The following SINHCAF variants were observed in gnomAD, a reference collection of about 807,000 sequenced individuals.
SINHCAF encodes SIN3-HDAC complex associated factor, also known as SIN3-HDAC complex-associated factor.
Under a neutral mutation model 25.8 loss-of-function variants are expected in SINHCAF, and 3 were observed. The ratio of observed to expected loss-of-function variants is 0.12; its 90% CI spans 0.05 to 0.30. The LOEUF (loss-of-function observed/expected upper bound fraction) is 0.30, where lower values mean the gene tolerates loss of function less well. Ranked by LOEUF, SINHCAF falls within the 10% of genes least tolerant of loss-of-function variation. SINHCAF has a pLI of 1.00. For missense variants in SINHCAF, 121 were observed against 262.3 expected, an observed-to-expected ratio of 0.46 and a Z score of 3.72; for synonymous variants, 70 against 85.5, an observed-to-expected ratio of 0.82 and a Z score of 1.00.
intron 1 of SINHCAF, among the ~76,000 whole-genome samples, chr12:31,309,689 G>A (rs1369268668): frequency 3.0e-4 from 40 of 132,468 alleles, no homozygotes; most frequent in Non-Finnish European, 1.4e-4. Flanking sequence ...TTTTTGAGAC[G>A]GAGTCTCACT....
At chr12:31,311,881 T>C in intron 1 of SINHCAF, 3 of 504,220 alleles carry the variant, frequency 5.9e-6, no homozygotes, top group Middle Eastern at 4.5e-4. Flanking sequence ...TTGATGAAGG[T>C]GGCATCCACC....
chr12:31,311,550 AC>A, intron 1 of SINHCAF: 1 of 253,460 alleles, frequency 3.9e-6, no homozygotes, highest in East Asian at 1.0e-4. Flanking sequence ...CTGGAAGTGA[AC>A]CACTGGGACC....
chr12:31,315,069 G>C (rs895041342), intron 1 of SINHCAF, among the ~76,000 whole-genome samples: 2 of 152,182 alleles, frequency 1.3e-5, no homozygotes, highest in Non-Finnish European at 2.9e-5. Context: ...TTGAGGATGC[G>C]CACCCAGGAA....
chr12:31,313,057 T>C (rs554773649), intron 1 of SINHCAF, among the ~76,000 whole-genome samples: 1 of 152,280 alleles, frequency 6.6e-6, no homozygotes, highest in East Asian at 1.9e-4. Flanking sequence ...GCAGTTTTGC[T>C]CTCGTTGCCC....
chr12:31,286,752 A>G (rs190389823), intron 5 of SINHCAF, among the ~76,000 whole-genome samples: 27 of 152,242 alleles, frequency 1.8e-4, no homozygotes, highest in Non-Finnish European at 3.5e-4. Context: ...ACCTAGAATA[A>G]CCCTAGTGGC....
intron 1 of SINHCAF, among the ~76,000 whole-genome samples, chr12:31,318,506 A>T (rs1939579434): frequency 6.6e-6 from 1 of 152,218 alleles, no homozygotes; most frequent in African/African-American, 2.4e-5. Context: ...AAGAGCCTAA[A>T]ACTCATCCTA....
In SINHCAF at chr12:31,282,615, T is replaced by C. The variant is rs1261064627; in HGVS notation, c.*97A>G. On this transcript the variant is annotated 3_prime_UTR_variant, in exon 6 of 6. Coordinates refer to ENST00000337682, the MANE Select transcript of SINHCAF (RefSeq NM_001135812.2). The stretch of plus-strand genomic sequence containing the variant: ...CCAGCCTGGGTAACAAGAGCAAAAC[T>C]CCGTCTCAAAAAAAAAAGAGGGTCA... 1.6e-5 allele frequency: 18 copies of C among 1,098,828 alleles called. No homozygotes were observed. The highest frequency in any genetic ancestry group is 3.8e-5 in the African/African-American group (2 of 52,944). The allele number at this position is 1,098,828 out of a possible 1,614,324, so 68.1% of individuals were successfully genotyped here.
At chr12:31,309,709 A>T (rs1939186382) in intron 1 of SINHCAF, among the ~76,000 whole-genome samples, 1 of 134,538 alleles carries the variant, frequency 7.4e-6, no homozygotes, top group Non-Finnish European at 1.5e-5. Flanking sequence ...TCTGTCGCCC[A>T]GGCTGGAGTG....
chr12:31,306,477 C>T (rs1311481833), intron 1 of SINHCAF, among the ~76,000 whole-genome samples: 6 of 152,110 alleles, frequency 3.9e-5, no homozygotes, highest in African/African-American at 7.2e-5. Flanking sequence ...AGGTCCATAC[C>T]ATAGTTCAGT....
chr12:31,302,300 A>T (rs1938829972), intron 1 of SINHCAF, among the ~76,000 whole-genome samples: 2 of 152,088 alleles, frequency 1.3e-5, no homozygotes, highest in African/African-American at 4.8e-5. Context: ...ACTAAAAGCC[A>T]CTGAATTGTA....
At chr12:31,296,826 T>C in intron 2 of SINHCAF, 1 of 253,410 alleles carries the variant, frequency 3.9e-6, no homozygotes, top group Non-Finnish European at 8.0e-6. Context: ...ACTGCAGTTC[T>C]GCCTGGGTGA....
chr12:31,288,596 G>A (rs1458368345), intron 4 of SINHCAF, among the ~76,000 whole-genome samples: 1 of 150,170 alleles, frequency 6.7e-6, no homozygotes, highest in Non-Finnish European at 1.5e-5. Context: ...TGTCAATGGA[G>A]GTTGAGAGAG....
chr12:31,290,909 G>C (rs1333708675), intron 4 of SINHCAF, among the ~76,000 whole-genome samples: 2 of 152,026 alleles, frequency 1.3e-5, no homozygotes, highest in Non-Finnish European at 2.9e-5. Context: ...AGTAGACACG[G>C]GGTTTCTCCA....
In SINHCAF at chr12:31,314,803, C is replaced by T. The variant is rs542594280; in HGVS notation, c.-21+11221G>A. On this transcript the variant is annotated intron_variant, in intron 1 of 5. Coordinates refer to ENST00000337682, the MANE Select transcript of SINHCAF (RefSeq NM_001135812.2). The stretch of plus-strand genomic sequence containing the variant: ...TGGTCTGCATATATCAAAGGATCTG[C>T]ATTTAGGCCATTGTGATGTGGAGTC... Among the ~76,000 whole-genome samples the T allele has an allele frequency of 2.6e-5, 4 of 152,330 alleles. 1 individual carries two copies. The highest frequency in any genetic ancestry group is 9.6e-5 in the African/African-American group (4 of 41,572).
At chr12:31,301,208 T>G (rs999131800) in intron 1 of SINHCAF, among the ~76,000 whole-genome samples, 1 of 152,196 alleles carries the variant, frequency 6.6e-6, no homozygotes, top group Non-Finnish European at 1.5e-5. Flanking sequence ...AATTAAGTGT[T>G]CCTCTTCAAT....
rs963954474 is a variant in SINHCAF at position 31,325,401 on chromosome 12, G to C, written c.-21+623C>G. On this transcript the variant is annotated intron_variant, in intron 1 of 5. Transcript: ENST00000337682. This position sits in a 1 kb window ranked among gnomAD's most constrained non-coding sequence, Gnocchi z 5.9. Reference sequence around the variant, plus strand: ...AACAACGCCACGCCGCGTGCGCTCCGGCAGAGCCCAGCACTGACCCCCAAA... The same window carrying C: ...AACAACGCCACGCCGCGTGCGCTCCCGCAGAGCCCAGCACTGACCCCCAAA... 3 of 373,498 alleles carry C rather than the reference G, an allele frequency of 8.0e-6. No homozygotes were observed. The highest frequency in any genetic ancestry group is 3.2e-5 in the Admixed American group (1 of 30,908). 23.1% of individuals were successfully genotyped at this position (373,498 alleles called of 1,614,324 possible).
rs563820354 is a variant in SINHCAF, at chr12:31,317,333, G to C, written c.-21+8691C>G. Among the ~76,000 whole-genome samples the C allele has an allele frequency of 6.1e-5, 9 of 148,738 alleles. No homozygotes were observed. The South Asian group carries it at 1.7e-3, about 28-fold the overall frequency. Reference sequence around the variant, plus strand: ...TCTTTCTAAAAATCAACTGGCCTAAGTCTTTAAAAACAAAAAAAAAACACA... The same window carrying C: ...TCTTTCTAAAAATCAACTGGCCTAACTCTTTAAAAACAAAAAAAAAACACA... On this transcript the variant is annotated intron_variant, in intron 1 of 5. Transcript: ENST00000337682.
At chr12:31,290,535 T>C (rs1938268822) in intron 4 of SINHCAF, among the ~76,000 whole-genome samples, 1 of 152,202 alleles carries the variant, frequency 6.6e-6, no homozygotes, top group African/African-American at 2.4e-5. Context: ...ATATGTTAAC[T>C]TAGCAAACAA....
At chr12:31,317,386 C>T (rs1472727842) in intron 1 of SINHCAF, among the ~76,000 whole-genome samples, 1 of 151,190 alleles carries the variant, frequency 6.6e-6, no homozygotes, top group Non-Finnish European at 1.5e-5. Context: ...TAAATGTCAA[C>T]GAATTTTCAG....
Sources: allele counts gnomAD v4.1 joint callset (sites outside exome capture counted in the v4.1 genomes callset), GRCh38; gene constraint gnomAD v4.1.1; non-coding constraint Gnocchi (gnomAD v3.1); transcripts MANE v1.5; gene names NCBI Gene and HGNC (gene_info 2026-07-23, HGNC 2026-07-21).